Variants in NR3C2 observed in about 807,000 individuals in gnomAD.
NR3C2 encodes the protein mineralocorticoid receptor.
A neutral mutation model predicts 86.4 loss-of-function variants in NR3C2; 15 were observed. The observed-to-expected ratio is 0.17, with a 90% CI of 0.12 to 0.27. The LOEUF (loss-of-function observed/expected upper bound fraction) is 0.27, where lower values mean the gene tolerates loss of function less well. Among genes scored for constraint, NR3C2 ranks in the 10% least tolerant of loss-of-function variants. The pLI, the probability that NR3C2 is intolerant of heterozygous loss-of-function variation, is 1.00. For synonymous variants in NR3C2, 458 were observed against 450.5 expected (o/e 1.02, Z -0.21); for missense variants, 960 against 1,195.6 (o/e 0.80, Z 2.91).
chr4:148,264,117 C>A (rs1304866661), intron 2 of NR3C2, among the ~76,000 whole-genome samples: 2 of 152,114 alleles, frequency 1.3e-5, no homozygotes, highest in Non-Finnish European at 2.9e-5. Flanking sequence ...CCATATGGTT[C>A]ATTTAGCTTT....
intron 4 of NR3C2, among the ~76,000 whole-genome samples, chr4:148,162,083 A>T (rs973781551): frequency 6.6e-6 from 1 of 152,176 alleles, no homozygotes; most frequent in Non-Finnish European, 1.5e-5. Context: ...CCTGGAGTCA[A>T]GTGCCATTGA....
chr4:148,380,060 T>C (rs188370754), intron 2 of NR3C2, among the ~76,000 whole-genome samples: 16 of 152,332 alleles, frequency 1.1e-4, no homozygotes, highest in Non-Finnish European at 2.2e-4. Context: ...TAAATGCACA[T>C]AGACTTTTTT....
rs1031442223 is a variant in NR3C2 at position 148,144,498 on chromosome 4, C to T, written c.2510+7971G>A. 7.9e-5 allele frequency among the ~76,000 whole-genome samples: 12 copies of T among 152,144 alleles called. No individual in the cohort carries two copies. The South Asian group carries it at 1.0e-3, about 13-fold the overall frequency. Reference sequence around the variant, plus strand: ...GTGAGGTACCATGCCTGGCTAAAAGCGACTTTCTACTCCAACTCTAATTCT... The same window carrying T: ...GTGAGGTACCATGCCTGGCTAAAAGTGACTTTCTACTCCAACTCTAATTCT... On this transcript the variant is annotated intron_variant, in intron 6 of 8. Coordinates refer to ENST00000358102, the MANE Select transcript of NR3C2 (RefSeq NM_000901.5).
At position 148,382,153 on chromosome 4, in the gene NR3C2, A is replaced by C. The variant is rs972354594; in HGVS notation, c.1757+52951T>G. ...GGACAAGGCCAAGCCCTTCTACATA[A>C]GCCTTTATGAAGTTAAGAGTCAAGT... On this transcript the variant is annotated intron_variant, in intron 2 of 8. Transcript: ENST00000358102. 2.0e-5 allele frequency among the ~76,000 whole-genome samples: 3 copies of C among 152,190 alleles called. No individual in the cohort carries two copies. In the East Asian group the frequency reaches 5.8e-4, roughly 29 times the overall value.
chr4:148,426,714 C>T lies in NR3C2; in HGVS notation c.1757+8390G>A, dbSNP rs139711855. Among the ~76,000 whole-genome samples the T allele has an allele frequency of 4.4e-4, 67 of 152,306 alleles. No individual in the cohort carries two copies. In the East Asian group the frequency reaches 0.011, roughly 26 times the overall value. On this transcript the variant is annotated intron_variant, in intron 2 of 8. Coordinates refer to ENST00000358102, the MANE Select transcript of NR3C2 (RefSeq NM_000901.5). ...ACTTGAGTCACTACATACATTCCCTCCCTGGGTAATATTACTTTTAACAGC... is the reference window on the plus strand; with the variant it reads ...ACTTGAGTCACTACATACATTCCCTTCCTGGGTAATATTACTTTTAACAGC...
At position 148,103,127 on chromosome 4, in the gene NR3C2, G is replaced by A. The variant is rs147293968; in HGVS notation, c.2799+10977C>T. On this transcript the variant is annotated intron_variant, in intron 8 of 8. Transcript: ENST00000358102. ...AGCTTCCATCTATGTGGCAAACCCC[G>A]ACTTGACTTTTGGGTCGCAGCTAAG... is the stretch of plus-strand genomic sequence containing the variant. Among the ~76,000 whole-genome samples, 210 of 152,242 alleles carry A rather than the reference G, an allele frequency of 1.4e-3. 2 individuals carry two copies. Among genetic ancestry groups the A allele is most frequent in the Admixed American group, 0.011 (172 of 15,296 alleles).
intron 2 of NR3C2, among the ~76,000 whole-genome samples, chr4:148,308,783 C>T (rs1473667075): frequency 2.0e-5 from 3 of 152,022 alleles, no homozygotes; most frequent in African/African-American, 2.4e-5. Flanking sequence ...CTCAGGAGTT[C>T]GAGACCAGCC....
At chr4:148,392,019 A>G (rs1747608917) in intron 2 of NR3C2, among the ~76,000 whole-genome samples, 2 of 152,096 alleles carry the variant, frequency 1.3e-5, no homozygotes, top group African/African-American at 2.4e-5. Context: ...TTTTTTTTCA[A>G]TACAAAATTA....
chr4:148,146,606 C>T (rs1225613789), intron 6 of NR3C2: 3 of 152,242 alleles, frequency 2.0e-5, no homozygotes, highest in South Asian at 2.1e-4. Flanking sequence ...GTTGTGTACT[C>T]GTCTAATGGA....
At chr4:148,419,123 C>G (rs1292853492) in intron 2 of NR3C2, among the ~76,000 whole-genome samples, 1 of 151,154 alleles carries the variant, frequency 6.6e-6, no homozygotes, top group Non-Finnish European at 1.5e-5. Context: ...GTCTGGCTAG[C>G]CATCTTGCAT....
At chr4:148,224,523 C>G (rs149781639) in intron 3 of NR3C2, among the ~76,000 whole-genome samples, 62 of 152,324 alleles carry the variant, frequency 4.1e-4, no homozygotes, top group Admixed American at 5.2e-4. Flanking sequence ...AAAAACGAAG[C>G]TCTCTCAAGT....
At chr4:148,127,267 T>C (rs575753219) in intron 6 of NR3C2, among the ~76,000 whole-genome samples, 33 of 152,352 alleles carry the variant, frequency 2.2e-4, no homozygotes, top group African/African-American at 7.2e-4. Context: ...ATTAAATGTA[T>C]AGAAATGTAC....
intron 3 of NR3C2, among the ~76,000 whole-genome samples, chr4:148,197,127 G>A (rs939575508): frequency 2.0e-5 from 3 of 152,194 alleles, no homozygotes; most frequent in African/African-American, 7.2e-5. Flanking sequence ...CTCAAGGCCA[G>A]GAGAGGTTTT....
chr4:148,352,373 CATCTATCT>C (rs3045288), intron 2 of NR3C2, among the ~76,000 whole-genome samples: 23,646 of 146,152 alleles, frequency 0.16, 1,900 homozygotes, highest in Admixed American at 0.22. Context: ...CAACTCCTAT[CATCTATCT>C]ATCTATCTAT....
chr4:148,219,296 TC>T (rs1737708797), intron 3 of NR3C2, among the ~76,000 whole-genome samples: 1 of 152,224 alleles, frequency 6.6e-6, no homozygotes, highest in South Asian at 2.1e-4. Context: ...TCTACTCAAA[TC>T]TTTTATCTAA....
chr4:148,429,881 T>C (rs1393281997), intron 2 of NR3C2, among the ~76,000 whole-genome samples: 1 of 152,218 alleles, frequency 6.6e-6, no homozygotes, highest in Non-Finnish European at 1.5e-5. Flanking sequence ...AAATGATATA[T>C]TATTTAGCAG....
At chr4:148,164,932 C>G (rs1734816012) in intron 4 of NR3C2, among the ~76,000 whole-genome samples, 1 of 152,140 alleles carries the variant, frequency 6.6e-6, no homozygotes, top group South Asian at 2.1e-4. Context: ...AACGCTGGAA[C>G]CTACAGTGGT....
chr4:148,390,833 T>C (rs369288627), intron 2 of NR3C2, among the ~76,000 whole-genome samples: 26 of 152,224 alleles, frequency 1.7e-4, no homozygotes, highest in African/African-American at 6.0e-4. Context: ...AAAAATTATG[T>C]CTGCTCATAA....
At chr4:148,106,326 A>C (rs1731795041) in intron 8 of NR3C2, among the ~76,000 whole-genome samples, 1 of 152,232 alleles carries the variant, frequency 6.6e-6, no homozygotes, top group Non-Finnish European at 1.5e-5. Context: ...GGACATCTTC[A>C]AGGAGAACTA....
Sources: allele counts gnomAD v4.1 joint callset (sites outside exome capture counted in the v4.1 genomes callset), GRCh38; gene constraint gnomAD v4.1.1; transcripts MANE v1.5; gene names NCBI Gene and HGNC (gene_info 2026-07-23, HGNC 2026-07-21).